The following ZNF578 variants were observed in gnomAD, a reference collection of about 807,000 sequenced individuals.
The protein encoded by ZNF578 is zinc finger protein 578.
A neutral mutation model predicts 8.3 loss-of-function variants in ZNF578; 8 were observed. That is an observed-to-expected ratio of 0.96 (90% CI 0.56 to 1.74). The LOEUF (loss-of-function observed/expected upper bound fraction) is 1.74. ZNF578 is among the 40% of genes most tolerant of loss of function. The pLI is 0.00. For missense variants in ZNF578, 726 were observed against 707.5 expected (o/e 1.03, Z -0.30); for synonymous variants, 206 against 232.2 (o/e 0.89, Z 1.03).
chr19:52,481,656 C>T (rs1472522768), intron 2 of ZNF578, among the ~76,000 whole-genome samples: 3 of 152,164 alleles, frequency 2.0e-5, no homozygotes, highest in African/African-American at 2.4e-5. Flanking sequence ...ACTCTCTTCC[C>T]TTTTCCCAGA....
chr19:52,460,327 T>TA (rs1219867064), intron 2 of ZNF578, among the ~76,000 whole-genome samples: 1 of 139,046 alleles, frequency 7.2e-6, no homozygotes, highest in Non-Finnish European at 1.6e-5. Context: ...TTTTTTTTTT[T>TA]ATTGATGATG....
intron 3 of ZNF578, chr19:52,492,939 C>A (rs1367466876): frequency 6.6e-6 from 1 of 152,236 alleles, no homozygotes; most frequent in African/African-American, 2.4e-5. Context: ...ACTTTGGGTC[C>A]CCACGGACCT....
intron 2 of ZNF578, among the ~76,000 whole-genome samples, chr19:52,480,210 A>G (rs2122837542): frequency 6.6e-6 from 1 of 152,248 alleles, no homozygotes; most frequent in Admixed American, 6.5e-5. Flanking sequence ...CCAGTCGATT[A>G]TGAATCTTAA....
Position 52,515,775 on chromosome 19 carries a change from A to G in ZNF578, c.*3621A>G, listed in dbSNP as rs1206860239. The stretch of plus-strand genomic sequence containing the variant: ...TGCCCAGTTGTGATTAGAATTTTCA[A>G]TGGGATGCAGTGCCCTAAAAATGAA... On this transcript the variant is annotated 3_prime_UTR_variant, in exon 6 of 6. Transcript: ENST00000421239. 3.9e-5 allele frequency among the ~76,000 whole-genome samples: 6 copies of G among 152,018 alleles called. No individual in the cohort carries two copies. Among genetic ancestry groups the G allele is most frequent in the South Asian group, 2.1e-4 (1 of 4,808 alleles).
chr19:52,461,921 G>T (rs1160394480), intron 2 of ZNF578, among the ~76,000 whole-genome samples: 2 of 152,134 alleles, frequency 1.3e-5, no homozygotes, highest in African/African-American at 2.4e-5. Flanking sequence ...CAAATTATGG[G>T]AAAATGAGCA....
intron 3 of ZNF578, among the ~76,000 whole-genome samples, chr19:52,499,647 T>C (rs371627950): frequency 6.6e-6 from 1 of 151,890 alleles, no homozygotes; most frequent in East Asian, 1.9e-4. Flanking sequence ...GAAACGTACA[T>C]GTATATGTGA....
rs551152142 is a variant in ZNF578, at chr19:52,498,456, G to T, written c.-19-3371G>T. 2.7e-5 allele frequency among the ~76,000 whole-genome samples: 4 copies of T among 150,830 alleles called. No individual in the cohort carries two copies. The East Asian group carries it at 7.9e-4, about 30-fold the overall frequency. ...ATGCCATTCTCCTGCCTCAGCCTCC[G>T]GAGTAGCTGGGACTACAGGCACCCA... On this transcript the variant is annotated intron_variant, in intron 3 of 5. Transcript: ENST00000421239.
intron 2 of ZNF578, among the ~76,000 whole-genome samples, chr19:52,478,983 G>A (rs2122832034): frequency 6.6e-6 from 1 of 151,832 alleles, no homozygotes; most frequent in South Asian, 2.1e-4. Context: ...CAAAGTGCTG[G>A]GATTACAGGC....
chr19:52,470,342 C>T (rs1370839980), intron 2 of ZNF578, among the ~76,000 whole-genome samples: 6 of 152,048 alleles, frequency 3.9e-5, no homozygotes, highest in Non-Finnish European at 5.9e-5. Flanking sequence ...TGAGGAGGTG[C>T]GCTGCACTCC....
At chr19:52,502,524 G>A (rs1376696992) in intron 4 of ZNF578, among the ~76,000 whole-genome samples, 4 of 152,150 alleles carry the variant, frequency 2.6e-5, no homozygotes, top group African/African-American at 4.8e-5. Context: ...ATCACTTGAG[G>A]TCAGGAGTTC....
chr19:52,471,449 C>T (rs535998141), intron 2 of ZNF578, among the ~76,000 whole-genome samples: 38 of 152,280 alleles, frequency 2.5e-4, no homozygotes, highest in African/African-American at 9.1e-4. Flanking sequence ...AACCCTAATA[C>T]AATTACTAAC....
chr19:52,477,117 C>T lies in ZNF578; in HGVS notation c.-121-14207C>T, dbSNP rs145278820. Among the ~76,000 whole-genome samples the T allele has an allele frequency of 1.9e-3, 293 of 152,300 alleles. 1 individual carries two copies. The highest frequency in any genetic ancestry group is 6.6e-3 in the African/African-American group (274 of 41,576). ...AACTACTCCAGGGACTACAGTGATGCCTCACAAGTTAAGATGGCTCTTGCC... is the reference window on the plus strand; with the variant it reads ...AACTACTCCAGGGACTACAGTGATGTCTCACAAGTTAAGATGGCTCTTGCC... On this transcript the variant is annotated intron_variant, in intron 2 of 5. Transcript: ENST00000421239.
At chr19:52,475,501 C>T (rs1055484850) in intron 2 of ZNF578, among the ~76,000 whole-genome samples, 9 of 151,952 alleles carry the variant, frequency 5.9e-5, no homozygotes, top group African/African-American at 1.9e-4. Flanking sequence ...AGATTACAGG[C>T]GCCAGCCACC....
intron 3 of ZNF578, among the ~76,000 whole-genome samples, chr19:52,498,604 T>C (rs1256914459): frequency 6.6e-6 from 1 of 151,764 alleles, no homozygotes; most frequent in Non-Finnish European, 1.5e-5. Flanking sequence ...AGGATGGTCT[T>C]GAACTCCTGA....
intron 4 of ZNF578, among the ~76,000 whole-genome samples, chr19:52,503,800 C>CTTTTTTTTTTT: frequency 8.0e-6 from 1 of 125,516 alleles, no homozygotes; most frequent in Non-Finnish European, 1.7e-5. Context: ...CCTGTGTTTG[C>CTTTTTTTTTTT]TTTTTTTTTT....
intron 5 of ZNF578, among the ~76,000 whole-genome samples, chr19:52,507,742 G>A (rs1353669743): frequency 6.6e-6 from 1 of 152,128 alleles, no homozygotes; most frequent in Non-Finnish European, 1.5e-5. Context: ...GCTCTTTACT[G>A]TCTCTTTTTA....
rs532120159 is a variant in ZNF578 at position 52,475,957 on chromosome 19, C to A, written c.-121-15367C>A. Among the ~76,000 whole-genome samples the A allele has an allele frequency of 3.1e-4, 47 of 152,262 alleles. No individual in the cohort carries two copies. The South Asian group carries it at 8.1e-3, about 26-fold the overall frequency. ...AACATATTCCAAGGCTCCTTTCATG[C>A]CCTTCCTACAAAATGCTGACATAGT... On this transcript the variant is annotated intron_variant, in intron 2 of 5. Coordinates refer to ENST00000421239, the MANE Select transcript of ZNF578 (RefSeq NM_001099694.2).
At chr19:52,473,793 C>A in intron 2 of ZNF578, 1 of 318,890 alleles carries the variant, frequency 3.1e-6, no homozygotes, top group South Asian at 8.6e-5. Context: ...CCACCAAATT[C>A]TTTGGCACAT....
intron 5 of ZNF578, among the ~76,000 whole-genome samples, chr19:52,510,108 A>C (rs111625221): frequency 1.4e-3 from 217 of 150,918 alleles, no homozygotes; most frequent in African/African-American, 4.5e-3. Context: ...CAGAATTTCC[A>C]TTGCTTTTGG....
Sources: gnomAD v4.1 joint callset for allele counts (sites outside exome capture counted in the v4.1 genomes callset) on GRCh38, gnomAD v4.1.1 for gene constraint, MANE v1.5 for transcripts, NCBI Gene and HGNC (gene_info 2026-07-23, HGNC 2026-07-21) for gene names.